Variants in ASAP1 observed in about 807,000 individuals in gnomAD.
The protein encoded by ASAP1 is arf-GAP with SH3 domain, ANK repeat and PH domain-containing protein 1.
A neutral mutation model predicts 145.2 loss-of-function variants in ASAP1; 43 were observed. That is an observed-to-expected ratio of 0.30 (90% CI 0.23 to 0.38). The LOEUF is 0.38. Among genes scored for constraint, ASAP1 ranks in the 10% least tolerant of loss-of-function variants. The probability of loss-of-function intolerance (pLI) is 1.00; values close to 1 mark genes in which losing one functional copy is unlikely to be tolerated. For missense variants in ASAP1, 1,018 were observed against 1,355.3 expected (o/e 0.75, Z 3.91); for synonymous variants, 546 against 515.5 (o/e 1.06, Z -0.80).
intron 3 of ASAP1, among the ~76,000 whole-genome samples, chr8:130,242,945 G>T (rs910022538): frequency 6.6e-6 from 1 of 152,132 alleles, no homozygotes; most frequent in African/African-American, 2.4e-5. Context: ...TATCTGTGGG[G>T]ATCCTGGAAC....
intron 27 of ASAP1, among the ~76,000 whole-genome samples, chr8:130,072,824 T>TGTGTGTGTGTGTGTGTGTGCAC: frequency 3.1e-5 from 1 of 32,314 alleles, no homozygotes; most frequent in Non-Finnish European, 5.7e-5. Flanking sequence ...TGTGTGTGTG[T>TGTGTGTGTGTGTGTGTGTGCAC]GCGCGCGGGG....
chr8:130,177,945 C>T lies in ASAP1; in HGVS notation c.746+1319G>A, dbSNP rs890696675. ...GCTACAGAATCGTAACCCAGCTTGA[C>T]GAGTGAGTATACTGAGGTTTAGTGA... On this transcript the variant is annotated intron_variant, in intron 9 of 29. Transcript: ENST00000518721. 8.5e-5 allele frequency among the ~76,000 whole-genome samples: 13 copies of T among 152,194 alleles called. No homozygotes were observed. The East Asian group carries it at 1.9e-3, about 23-fold the overall frequency.
chr8:130,203,869 G>GTT (rs1291903490), intron 5 of ASAP1, among the ~76,000 whole-genome samples: 1 of 152,116 alleles, frequency 6.6e-6, no homozygotes, highest in African/African-American at 2.4e-5. Flanking sequence ...TCCAATCAGT[G>GTT]TTTGCCTTAT....
At position 130,289,317 on chromosome 8, in the gene ASAP1, G is replaced by A. The variant is rs1821812356; in HGVS notation, c.187-52323C>T. ...ACACTATTAAACAAAAACATGCACA[G>A]AAAAAGCATCAGTGTGTTCACAGTA... On this transcript the variant is annotated intron_variant, in intron 3 of 29. Transcript: ENST00000518721. 1.3e-5 allele frequency among the ~76,000 whole-genome samples: 2 copies of A among 152,202 alleles called. 1 individual carries two copies. Among genetic ancestry groups the A allele is most frequent in the South Asian group, 4.1e-4 (2 of 4,830 alleles).
chr8:130,123,509 G>C (rs1228422453), intron 18 of ASAP1, among the ~76,000 whole-genome samples: 1 of 152,200 alleles, frequency 6.6e-6, no homozygotes, highest in African/African-American at 2.4e-5. Context: ...AGGGTGAAAA[G>C]AATCTGTGCA....
chr8:130,241,198 C>G (rs1199485983), intron 3 of ASAP1, among the ~76,000 whole-genome samples: 1 of 152,104 alleles, frequency 6.6e-6, no homozygotes, highest in African/African-American at 2.4e-5. Context: ...TTTCTTCTTA[C>G]ACAAGCCTCG....
intron 1 of ASAP1, among the ~76,000 whole-genome samples, chr8:130,436,558 G>A (rs975329824): frequency 1.3e-5 from 2 of 152,286 alleles, no homozygotes; most frequent in South Asian, 2.1e-4. Flanking sequence ...CAATCCACCC[G>A]CCTTGGCCTC....
At chr8:130,395,021 T>A (rs1309609056) in intron 2 of ASAP1, among the ~76,000 whole-genome samples, 2 of 152,084 alleles carry the variant, frequency 1.3e-5, no homozygotes, top group Non-Finnish European at 2.9e-5. Flanking sequence ...ACCATCAGCA[T>A]AAGAAGCAAA....
rs886932848 is a variant in ASAP1, at chr8:130,403,618, T to G, written c.-27-1648A>C. On this transcript the variant is annotated intron_variant, in intron 1 of 29. Coordinates refer to ENST00000518721, the MANE Select transcript of ASAP1 (RefSeq NM_018482.4). ...CCCAGACTGGAGTGCAGTGGCGCGA[T>G]CTTGGCTCATTGCAACCTCCACCTC... Among the ~76,000 whole-genome samples the G allele has an allele frequency of 5.4e-5, 8 of 148,492 alleles. 1 individual carries two copies. The highest frequency in any genetic ancestry group is 3.5e-3 in the Middle Eastern group (1 of 288).
chr8:130,395,067 C>T (rs190293614), intron 2 of ASAP1, among the ~76,000 whole-genome samples: 2 of 152,310 alleles, frequency 1.3e-5, no homozygotes, highest in Admixed American at 1.3e-4. Context: ...CATTTCCCAT[C>T]AACCAGGGAC....
At chr8:130,402,596 A>AC (rs1828845418) in intron 1 of ASAP1, among the ~76,000 whole-genome samples, 2 of 152,176 alleles carry the variant, frequency 1.3e-5, no homozygotes, top group Non-Finnish European at 2.9e-5. Flanking sequence ...ATAAAAATAA[A>AC]TTGAGCCAAG....
At chr8:130,061,396 T>C (rs565553816) in intron 27 of ASAP1, among the ~76,000 whole-genome samples, 1 of 152,366 alleles carries the variant, frequency 6.6e-6, no homozygotes, top group East Asian at 1.9e-4. Context: ...TGTAGCCATT[T>C]AAAATTCTTT....
intron 1 of ASAP1, among the ~76,000 whole-genome samples, chr8:130,406,518 GGCTGGAGT>G (rs1213550301): frequency 2.7e-5 from 4 of 150,304 alleles, no homozygotes; most frequent in Non-Finnish European, 5.9e-5. Flanking sequence ...GTGTCACCCA[GGCTGGAGT>G]GCTGGAGTGC....
At chr8:130,083,676 G>A (rs1402313526) in intron 25 of ASAP1, 9 of 152,200 alleles carry the variant, frequency 5.9e-5, no homozygotes, top group African/African-American at 2.2e-4. Flanking sequence ...CCTGACACAA[G>A]GGTATTATTA....
chr8:130,188,216 A>C (rs767733639), intron 5 of ASAP1, 33 bp from the exon 6 acceptor site: 2 of 1,547,296 alleles, frequency 1.3e-6, no homozygotes, highest in South Asian at 2.2e-5. Context: ...GGAGATGGTT[A>C]AAAAATAAAG....
rs1312633927 is a variant in ASAP1 at position 130,280,002 on chromosome 8, G to A, written c.187-43008C>T. 2.6e-5 allele frequency among the ~76,000 whole-genome samples: 4 copies of A among 152,206 alleles called. No individual in the cohort carries two copies. The East Asian group carries it at 7.7e-4, about 29-fold the overall frequency. The stretch of plus-strand genomic sequence containing the variant: ...GTGTCTCATTCAGCAACTTTGTACT[G>A]TTTAAGAATACCTCAAACTGGCACT... On this transcript the variant is annotated intron_variant, in intron 3 of 29. Coordinates refer to ENST00000518721, the MANE Select transcript of ASAP1 (RefSeq NM_018482.4).
At chr8:130,302,910 T>C (rs993986695) in intron 3 of ASAP1, among the ~76,000 whole-genome samples, 9 of 152,220 alleles carry the variant, frequency 5.9e-5, no homozygotes, top group African/African-American at 1.4e-4. Flanking sequence ...TTCTCCTTCT[T>C]TGCTGTTTCT....
At chr8:130,270,993 T>A (rs1310019048) in intron 3 of ASAP1, among the ~76,000 whole-genome samples, 6 of 152,118 alleles carry the variant, frequency 3.9e-5, no homozygotes, top group Non-Finnish European at 5.9e-5. Context: ...GCCAAACAAA[T>A]CACACTGGGG....
At chr8:130,307,108 T>TA (rs1293082576) in intron 3 of ASAP1, among the ~76,000 whole-genome samples, 1 of 152,204 alleles carries the variant, frequency 6.6e-6, no homozygotes, top group Non-Finnish European at 1.5e-5. Context: ...GTGTTCTCCA[T>TA]AAAAGTTATC....
Sources: allele counts gnomAD v4.1 joint callset (sites outside exome capture counted in the v4.1 genomes callset), GRCh38; gene constraint gnomAD v4.1.1; transcripts MANE v1.5; gene names NCBI Gene and HGNC (gene_info 2026-07-23, HGNC 2026-07-21).